The following TAF1 variants were observed in gnomAD, a reference collection of about 807,000 sequenced individuals.
TAF1 encodes the protein transcription initiation factor TFIID subunit 1.
Under a neutral mutation model 138.5 loss-of-function variants are expected in TAF1, and 2 were observed. The ratio of observed to expected loss-of-function variants is 0.01; its 90% confidence interval spans 0.01 to 0.05. The LOEUF is 0.05. Ranked by LOEUF, TAF1 falls within the 10% of genes least tolerant of loss-of-function variation. TAF1 has a pLI of 1.00. For missense variants in TAF1, 709 were observed against 1,478.0 expected, an observed-to-expected ratio of 0.48 and a Z score of 8.53; for synonymous variants, 437 against 503.2, an observed-to-expected ratio of 0.87 and a Z score of 1.76.
chrX:71,439,275 C>A (rs1028751512), intron 32 of TAF1, among the ~76,000 whole-genome samples: 2 of 111,414 alleles, frequency 1.8e-5, no homozygotes, highest in African/African-American at 6.5e-5. Context: ...TAACATTACC[C>A]AGTAGCTACG....
intron 22 of TAF1, among the ~76,000 whole-genome samples, chrX:71,396,626 A>G (rs759048385): frequency 2.7e-5 from 3 of 111,894 alleles, no homozygotes; most frequent in Admixed American, 1.9e-4. Context: ...ATCATCACCC[A>G]CTTCCTACAT....
At chrX:71,514,463 CAAA>C (rs990209662) in intron 13 of TAF1, among the ~76,000 whole-genome samples, 6 of 39,748 alleles carry the variant, frequency 1.5e-4, no homozygotes, top group African/African-American at 3.7e-4. Context: ...AAAACTAAAC[CAAA>C]AAAAAAAAAA....
At chrX:71,410,213 A>G (rs1408649347) in intron 28 of TAF1, among the ~76,000 whole-genome samples, 2 of 110,604 alleles carry the variant, frequency 1.8e-5, no homozygotes, top group Non-Finnish European at 3.8e-5. Context: ...TTATTTCACC[A>G]TAAGAAATCT....
intron 3 of TAF1, among the ~76,000 whole-genome samples, chrX:71,371,851 T>C (rs1053095473): frequency 8.9e-6 from 1 of 112,077 alleles, no homozygotes; most frequent in African/African-American, 3.2e-5. Flanking sequence ...GGTGATAATA[T>C]TCACACTTTT....
chrX:71,529,881 T>G (rs2040071472), exon 15 of TAF1: 1 of 261,509 alleles, frequency 3.8e-6, no homozygotes, highest in Non-Finnish European at 7.3e-6. Context: ...TATTGGTCTT[T>G]GAGCTCTCAC....
intron 36 of TAF1, 61 bp from the exon 37 acceptor site, chrX:71,460,565 A>C: frequency 8.5e-7 from 1 of 1,169,810 alleles, no homozygotes; most frequent in Non-Finnish European, 1.2e-6. Flanking sequence ...ATCAAGCCAA[A>C]GATCAAGTTA....
At chrX:71,508,824 T>G (rs2039681959) in intron 13 of TAF1, among the ~76,000 whole-genome samples, 1 of 106,983 alleles carries the variant, frequency 9.3e-6, no homozygotes, top group African/African-American at 3.4e-5. Context: ...TTTTTTTTTT[T>G]GAGATGGGGT....
intron 34 of TAF1, 72 bp from the exon 35 acceptor site, chrX:71,458,169 C>A: frequency 8.7e-7 from 1 of 1,143,893 alleles, no homozygotes. Context: ...CAGTAAATGC[C>A]TTAAAGGGGA....
At chrX:71,474,767 T>C (rs374916171) in intron 13 of TAF1, among the ~76,000 whole-genome samples, 31 of 111,859 alleles carry the variant, frequency 2.8e-4, no homozygotes, top group African/African-American at 8.7e-4. Context: ...CATCCTACTT[T>C]AGATAGGTAG....
Position 71,385,006 on chromosome X carries a change from C to T in TAF1, c.2183C>T (p.Thr728Ile). 1 of 1,210,839 alleles carries T rather than the reference C, an allele frequency of 8.3e-7. No individual in the cohort carries two copies. The highest frequency in any genetic ancestry group is 2.3e-4 in the Middle Eastern group (1 of 4,348). Residue 728 changes from threonine (T) to isoleucine (I), a missense_variant, in exon 14 of 38, where the codon ACA becomes ATA. By Grantham distance (89) the Thr-to-Ile change is moderately conservative (BLOSUM62 -1). This residue lies in a region of TAF1 where 201 missense variants were observed against 421.3 expected (regional missense o/e 0.48). Coordinates refer to ENST00000423759, the MANE Select transcript of TAF1 (RefSeq NM_004606.5). Reference sequence around the variant, plus strand: ...TATGGGGAAACTGTTTACTGCCATACATCTCCTTTCCTGGGTTCTCTCCAT... The same window carrying T: ...TATGGGGAAACTGTTTACTGCCATATATCTCCTTTCCTGGGTTCTCTCCAT... Reference protein sequence around the residue: ...CKYGETVYCHTSPFLGSLHPG... With the variant: ...CKYGETVYCHISPFLGSLHPG...
At chrX:71,380,517 C>T (rs2033810414) in intron 8 of TAF1, among the ~76,000 whole-genome samples, 1 of 110,951 alleles carries the variant, frequency 9.0e-6, no homozygotes, top group Non-Finnish European at 1.9e-5. Context: ...CCTGCCTCAG[C>T]CTCCCGAGTA....
At chrX:71,368,283 C>T in intron 3 of TAF1, 113 bp downstream of exon 3, 1 of 775,229 alleles carries the variant, frequency 1.3e-6, no homozygotes, top group Non-Finnish European at 1.8e-6. Flanking sequence ...CTCTCTATGC[C>T]TTTGCTTTGG....
chrX:71,383,244 G>A (rs2034004954), intron 12 of TAF1, 80 bp downstream of exon 12: 5 of 1,015,018 alleles, frequency 4.9e-6, no homozygotes, highest in Non-Finnish European at 6.6e-6. Flanking sequence ...GTATTAGATT[G>A]TATTAGGGAA....
intron 32 of TAF1, among the ~76,000 whole-genome samples, chrX:71,441,388 ATTAACT>A (rs1474113683): frequency 2.7e-5 from 3 of 111,395 alleles, no homozygotes; most frequent in South Asian, 3.7e-4. Flanking sequence ...TCTTATATAA[ATTAACT>A]TTAGTGTCTT....
chrX:71,400,737 T>C (rs1488103427), intron 24 of TAF1, among the ~76,000 whole-genome samples: 1 of 112,523 alleles, frequency 8.9e-6, no homozygotes, highest in East Asian at 2.8e-4. Flanking sequence ...AATGATATAA[T>C]TCAGGGGAAG....
At chrX:71,413,135 A>T (rs1232421885) in intron 28 of TAF1, among the ~76,000 whole-genome samples, 1 of 111,553 alleles carries the variant, frequency 9.0e-6, no homozygotes, top group Non-Finnish European at 1.9e-5. Context: ...TTCTTAAAAA[A>T]CCTGAAATCT....
chrX:71,425,830 G>A (rs1046253156), intron 32 of TAF1, among the ~76,000 whole-genome samples: 1 of 111,687 alleles, frequency 9.0e-6, no homozygotes, highest in African/African-American at 3.3e-5. Context: ...CGCTGGCACT[G>A]ATAGATGTTA....
chrX:71,442,365 G>A (rs1410905418), intron 32 of TAF1, among the ~76,000 whole-genome samples: 1 of 112,015 alleles, frequency 8.9e-6, no homozygotes, highest in Non-Finnish European at 1.9e-5. Flanking sequence ...ATTCTAACTG[G>A]TATGAGATAG....
At chrX:71,436,982 C>G (rs1019476010) in intron 32 of TAF1, among the ~76,000 whole-genome samples, 4 of 111,789 alleles carry the variant, frequency 3.6e-5, no homozygotes, top group Non-Finnish European at 7.5e-5. Flanking sequence ...CATTTATTCA[C>G]ATTTTCTTTT....
Sources: allele counts gnomAD v4.1 joint callset (sites outside exome capture counted in the v4.1 genomes callset), GRCh38; gene constraint gnomAD v4.1.1; regional missense constraint gnomAD v4.1.1; transcripts MANE v1.5; gene names NCBI Gene and HGNC (gene_info 2026-07-23, HGNC 2026-07-21).